Variants in TMEM132D observed in about 807,000 individuals in gnomAD.
TMEM132D encodes the protein transmembrane protein 132D.
A neutral mutation model predicts 62.3 loss-of-function variants in TMEM132D; 21 were observed. That is an observed-to-expected ratio of 0.34 (90% CI 0.24 to 0.49). The LOEUF is 0.49. TMEM132D is among the 20% of genes least tolerant of loss of function. The pLI, the probability that TMEM132D is intolerant of heterozygous loss-of-function variation, is 0.99. For missense variants in TMEM132D, 1,346 were observed against 1,402.8 expected (o/e 0.96, Z 0.65); for synonymous variants, 621 against 575.6 (o/e 1.08, Z -1.13).
chr12:129,524,086 TG>T (rs985338269), intron 3 of TMEM132D, among the ~76,000 whole-genome samples: 5 of 144,232 alleles, frequency 3.5e-5, no homozygotes, highest in African/African-American at 1.3e-4. Context: ...TGTCGTGGGG[TG>T]GGGGGAGTGG....
chr12:129,860,531 C>A (rs1256298660), intron 1 of TMEM132D, among the ~76,000 whole-genome samples: 1 of 152,210 alleles, frequency 6.6e-6, no homozygotes, highest in Non-Finnish European at 1.5e-5. Flanking sequence ...TTAAAGCGTT[C>A]TTTTTCCCTG....
intron 3 of TMEM132D, among the ~76,000 whole-genome samples, chr12:129,416,054 C>T (rs1286732873): frequency 6.6e-6 from 1 of 152,154 alleles, no homozygotes; most frequent in East Asian, 1.9e-4. Flanking sequence ...AAAATAGGGC[C>T]TTGTGAAATT....
At chr12:129,687,158 T>A (rs1880948539) in intron 2 of TMEM132D, among the ~76,000 whole-genome samples, 2 of 152,318 alleles carry the variant, frequency 1.3e-5, no homozygotes, top group East Asian at 3.9e-4. Flanking sequence ...CTACGGCACC[T>A]GTCTCTTCTG....
intron 1 of TMEM132D, among the ~76,000 whole-genome samples, chr12:129,704,798 G>A (rs779041136): frequency 2.6e-5 from 4 of 152,260 alleles, no homozygotes; most frequent in South Asian, 2.1e-4. Flanking sequence ...GCAGAGTAAC[G>A]AAGGAAATTC....
At chr12:129,579,285 T>C (rs766916277) in intron 2 of TMEM132D, among the ~76,000 whole-genome samples, 104 of 152,208 alleles carry the variant, frequency 6.8e-4, no homozygotes, top group Non-Finnish European at 1.0e-3. Flanking sequence ...CCTTAGAATT[T>C]ACACAGATTT....
intron 1 of TMEM132D, among the ~76,000 whole-genome samples, chr12:129,739,626 C>T (rs1869537281): frequency 6.6e-6 from 1 of 152,192 alleles, no homozygotes; most frequent in African/African-American, 2.4e-5. Context: ...GAAAGCTGCA[C>T]TTGGTAAATG....
intron 1 of TMEM132D, among the ~76,000 whole-genome samples, chr12:129,711,285 C>A (rs1199395181): frequency 6.6e-6 from 1 of 152,246 alleles, no homozygotes; most frequent in Non-Finnish European, 1.5e-5. Flanking sequence ...CTGCGTTTCA[C>A]ATCTGTGTAC....
At chr12:129,839,558 C>T (rs1245206760) in intron 1 of TMEM132D, among the ~76,000 whole-genome samples, 8 of 152,236 alleles carry the variant, frequency 5.3e-5, no homozygotes, top group Admixed American at 2.0e-4. Flanking sequence ...CCACTGTGCC[C>T]GGCCTTAAAC....
chr12:129,887,186 ACAGCACT>A (rs1283285466), intron 1 of TMEM132D, among the ~76,000 whole-genome samples: 1 of 152,166 alleles, frequency 6.6e-6, no homozygotes, highest in African/African-American at 2.4e-5. Flanking sequence ...AAACATAAAA[ACAGCACT>A]GGCAGGAGGA....
At chr12:129,791,996 T>C (rs761009947) in intron 1 of TMEM132D, among the ~76,000 whole-genome samples, 1 of 152,194 alleles carries the variant, frequency 6.6e-6, no homozygotes, top group Non-Finnish European at 1.5e-5. Context: ...CATCTTTTAT[T>C]TCTCAAGGGT....
chr12:129,692,498 A>G (rs1881085536), intron 2 of TMEM132D, among the ~76,000 whole-genome samples: 1 of 152,204 alleles, frequency 6.6e-6, no homozygotes, highest in African/African-American at 2.4e-5. Flanking sequence ...GTATATACCC[A>G]AAGGAATATA....
At chr12:129,388,051 G>T (rs11060305) in intron 3 of TMEM132D, among the ~76,000 whole-genome samples, 7 of 89,504 alleles carry the variant, frequency 7.8e-5, no homozygotes, top group Middle Eastern at 7.4e-3. Context: ...ATAATAATAT[G>T]AACACTAACA....
chr12:129,436,024 C>T (rs778838061), intron 3 of TMEM132D, among the ~76,000 whole-genome samples: 46 of 152,134 alleles, frequency 3.0e-4, no homozygotes, highest in Non-Finnish European at 5.4e-4. Context: ...ATATGGATGA[C>T]TCAACTGACA....
At chr12:129,720,081 G>A in intron 1 of TMEM132D, among the ~76,000 whole-genome samples, 1 of 152,082 alleles carries the variant, frequency 6.6e-6, no homozygotes, top group East Asian at 1.9e-4. Context: ...ATTCATGTCA[G>A]ACACACAACA....
chr12:129,507,197 T>TA (rs1220456826), intron 3 of TMEM132D, among the ~76,000 whole-genome samples: 5 of 151,912 alleles, frequency 3.3e-5, no homozygotes, highest in African/African-American at 4.8e-5. Context: ...AATAAAAAAA[T>TA]AAAAAATAAA....
chr12:129,789,309 A>C (rs1435655044), intron 1 of TMEM132D, among the ~76,000 whole-genome samples: 1 of 152,136 alleles, frequency 6.6e-6, no homozygotes, highest in African/African-American at 2.4e-5. Flanking sequence ...AAGGGAGAAC[A>C]AACAATATTT....
chr12:129,632,794 C>A (rs1316813289), intron 2 of TMEM132D, among the ~76,000 whole-genome samples: 1 of 152,244 alleles, frequency 6.6e-6, no homozygotes, highest in Non-Finnish European at 1.5e-5. Context: ...AGTATGGACC[C>A]CAAGCTGCCT....
At chr12:129,094,094 G>C (rs1368649880) in intron 5 of TMEM132D, among the ~76,000 whole-genome samples, 1 of 151,986 alleles carries the variant, frequency 6.6e-6, no homozygotes, top group African/African-American at 2.4e-5. Flanking sequence ...GAAAACCTAG[G>C]CTTTACCATT....
chr12:129,690,693 T>C (rs1676291228), intron 2 of TMEM132D, among the ~76,000 whole-genome samples: 1 of 152,090 alleles, frequency 6.6e-6, no homozygotes, highest in Non-Finnish European at 1.5e-5. Flanking sequence ...ACAAAATATA[T>C]GAGATAATCA....
Sources: allele counts gnomAD v4.1 joint callset (sites outside exome capture counted in the v4.1 genomes callset), GRCh38; gene constraint gnomAD v4.1.1; transcripts MANE v1.5; gene names NCBI Gene and HGNC (gene_info 2026-07-23, HGNC 2026-07-21).